Variants in RAP1GAP2 observed in about 807,000 individuals in gnomAD.
The protein encoded by RAP1GAP2 is RAP1 GTPase activating protein 2, also known as rap1 GTPase-activating protein 2.
In RAP1GAP2, 27 loss-of-function variants were observed where a neutral mutation model predicts 95.0. The observed-to-expected ratio is 0.28, with a 90% CI of 0.21 to 0.39. The LOEUF is 0.39. Ranked by LOEUF, RAP1GAP2 falls within the 10% of genes least tolerant of loss-of-function variation. The pLI is 1.00. For missense variants in RAP1GAP2, 771 were observed against 970.0 expected, an observed-to-expected ratio of 0.79 and a Z score of 2.72; for synonymous variants, 373 against 380.9, an observed-to-expected ratio of 0.98 and a Z score of 0.24.
intron 2 of RAP1GAP2, among the ~76,000 whole-genome samples, chr17:2,822,858 C>T (rs1030999961): frequency 2.0e-4 from 31 of 152,014 alleles, no homozygotes; most frequent in Non-Finnish European, 3.7e-4. Flanking sequence ...CCTCCCCACT[C>T]CCCCCAGTCC....
chr17:3,027,051 C>T lies in RAP1GAP2; in HGVS notation c.2088C>T (p.Ile696=). ...PSLGAAATPI[I]MSRSPTDAKS... is the part of the protein sequence containing the mutation. The stretch of plus-strand genomic sequence containing the variant: ...TGGGGGCAGCTGCCACCCCGATCAT[C>T]ATGAGCCGGAGTCCCACAGGTCAGT... Residue 696 remains isoleucine, a synonymous_variant, in exon 22 of 25, where the codon ATC becomes ATT. Coordinates refer to ENST00000254695, the MANE Select transcript of RAP1GAP2 (RefSeq NM_015085.5). This position sits in a 1 kb window ranked among gnomAD's most constrained non-coding sequence, Gnocchi z 5.2. The T allele has an allele frequency of 6.3e-7, 1 of 1,578,934 alleles. No homozygotes were observed. Among genetic ancestry groups the T allele is most frequent in the South Asian group, 1.2e-5 (1 of 85,666 alleles).
rs1046330248 is a variant in RAP1GAP2, at chr17:2,866,489, T to C, written c.81-38795T>C. On this transcript the variant is annotated intron_variant, in intron 2 of 24. Transcript: ENST00000254695. The surrounding 1 kb of genome is among the most constrained non-coding windows in gnomAD (Gnocchi z 4.0). ...AAACAATTCTGTAACATTTGTGTTATTGTGATTTTTATTAAATAGAGGTTT... is the reference window on the plus strand; with the variant it reads ...AAACAATTCTGTAACATTTGTGTTACTGTGATTTTTATTAAATAGAGGTTT... Among the ~76,000 whole-genome samples the C allele has an allele frequency of 3.3e-5, 5 of 152,252 alleles. No individual in the cohort carries two copies. Among genetic ancestry groups the C allele is most frequent in the African/African-American group, 9.6e-5 (4 of 41,470 alleles).
intron 1 of RAP1GAP2, among the ~76,000 whole-genome samples, chr17:2,783,720 G>A (rs1043211667): frequency 1.3e-5 from 2 of 152,254 alleles, no homozygotes; most frequent in African/African-American, 4.8e-5. Context: ...AGGGTTCAGT[G>A]GGGATAACGC....
intron 2 of RAP1GAP2, among the ~76,000 whole-genome samples, chr17:2,860,098 A>C (rs2151616139): frequency 6.6e-6 from 1 of 152,180 alleles, no homozygotes; most frequent in Admixed American, 6.6e-5. Context: ...GGACATGAGG[A>C]CTGTGCCTGG....
chr17:2,984,812 G>A (rs1236614241), intron 10 of RAP1GAP2, among the ~76,000 whole-genome samples, 171 bp from the exon 11 acceptor site: 2 of 152,102 alleles, frequency 1.3e-5, no homozygotes, highest in African/African-American at 4.8e-5. Flanking sequence ...CTTTGGAGCT[G>A]CGGCCTGACT....
rs185899887 is a variant in RAP1GAP2, at chr17:2,874,644, C to T, written c.81-30640C>T. 5.9e-5 allele frequency among the ~76,000 whole-genome samples: 9 copies of T among 152,280 alleles called. No individual in the cohort carries two copies. In the East Asian group the frequency reaches 1.7e-3, roughly 29 times the overall value. ...ACCAGTCAGAGGCCTCAGCCTGGGG[C>T]TGGATTCTGGAGGAAATGAGACGGT... On this transcript the variant is annotated intron_variant, in intron 2 of 24. Transcript: ENST00000254695.
At chr17:2,853,833 C>T in intron 2 of RAP1GAP2, 2 of 756,136 alleles carry the variant, frequency 2.6e-6, no homozygotes, top group East Asian at 1.3e-4. Context: ...GAGGGGAGAG[C>T]GCGCGGTCAC....
At chr17:2,900,575 G>A (rs2151720461) in intron 2 of RAP1GAP2, among the ~76,000 whole-genome samples, 3 of 152,120 alleles carry the variant, frequency 2.0e-5, no homozygotes, top group Admixed American at 2.0e-4. Flanking sequence ...TCAAGTAGCT[G>A]GGATTACAGG....
At chr17:2,970,292 AAAAAT>A in intron 8 of RAP1GAP2, among the ~76,000 whole-genome samples, 1 of 137,562 alleles carries the variant, frequency 7.3e-6, no homozygotes, top group South Asian at 2.2e-4. Context: ...AAAAAAAAAA[AAAAAT>A]AATAATAATA....
chr17:2,893,188 C>CT (rs1198063480), intron 2 of RAP1GAP2, among the ~76,000 whole-genome samples: 5 of 152,040 alleles, frequency 3.3e-5, no homozygotes, highest in Admixed American at 6.6e-5. Context: ...CCACCAGCTA[C>CT]TAGCCCGGCT....
At chr17:3,009,105 G>T (rs998326717) in intron 17 of RAP1GAP2, among the ~76,000 whole-genome samples, 1 of 152,116 alleles carries the variant, frequency 6.6e-6, no homozygotes, top group African/African-American at 2.4e-5. Flanking sequence ...TATTAAAACC[G>T]CAGCTCTGTG....
upstream of RAP1GAP2, among the ~76,000 whole-genome samples, chr17:2,776,103 C>G (rs1197284170): frequency 6.6e-6 from 1 of 152,152 alleles, no homozygotes; most frequent in Admixed American, 6.5e-5. Context: ...CGCTTGAACC[C>G]GGGAGGCGGA....
chr17:2,994,480 A>G (rs1452050397), intron 12 of RAP1GAP2, among the ~76,000 whole-genome samples: 1 of 152,164 alleles, frequency 6.6e-6, no homozygotes, highest in African/African-American at 2.4e-5. Context: ...ACTTCCCTGG[A>G]TACTCCCAAG....
intron 11 of RAP1GAP2, among the ~76,000 whole-genome samples, chr17:2,987,905 A>G (rs2045610020): frequency 1.3e-5 from 2 of 152,216 alleles, no homozygotes; most frequent in Admixed American, 1.3e-4. Flanking sequence ...TCTTTGTATC[A>G]TCTGCCGCTC....
chr17:2,949,129 C>T (rs1338230641), intron 3 of RAP1GAP2, among the ~76,000 whole-genome samples: 2 of 152,168 alleles, frequency 1.3e-5, no homozygotes, highest in African/African-American at 4.8e-5. Flanking sequence ...AGACGGAGTT[C>T]CTCAGCTGAG....
chr17:2,868,192 G>A (rs1385119625), intron 2 of RAP1GAP2, among the ~76,000 whole-genome samples: 7 of 152,096 alleles, frequency 4.6e-5, no homozygotes, highest in South Asian at 2.1e-4. Flanking sequence ...CCTTCCAGAC[G>A]TCTGGCCAGT....
intron 2 of RAP1GAP2, among the ~76,000 whole-genome samples, chr17:2,881,540 C>T (rs1374863771): frequency 6.6e-6 from 1 of 152,124 alleles, no homozygotes. Context: ...TTTGTTTATC[C>T]ACTCATTCGT....
intron 3 of RAP1GAP2, among the ~76,000 whole-genome samples, chr17:2,937,855 G>C: frequency 6.6e-6 from 1 of 152,152 alleles, no homozygotes; most frequent in East Asian, 1.9e-4. Context: ...CCCGGGGATG[G>C]ACCTGTGCCA....
In RAP1GAP2 at chr17:2,904,530, C is replaced by CTGTGTGTGTGTGTCTGTG. The variant is rs2042129184; in HGVS notation, c.81-741_81-740insCTGTGTGTGTGTGTGTGT. ...CCGAGGACAGCTTTTTGACCAGGGCCTGTGTGTGTGTGTGTGTGTGTGTGT... is the reference window on the plus strand; with the variant it reads ...CCGAGGACAGCTTTTTGACCAGGGCCTGTGTGTGTGTGTCTGTGTGTGTGTGTGTGTGTGTGTGTGTGT... On this transcript the variant is annotated intron_variant, in intron 2 of 24. Coordinates refer to ENST00000254695, the MANE Select transcript of RAP1GAP2 (RefSeq NM_015085.5). This position sits in a 1 kb window ranked among gnomAD's most constrained non-coding sequence, Gnocchi z 4.7. 2.3e-5 allele frequency among the ~76,000 whole-genome samples: 3 copies of CTGTGTGTGTGTGTCTGTG among 129,160 alleles called. No homozygotes were observed. The highest frequency in any genetic ancestry group is 5.0e-5 in the Non-Finnish European group (3 of 60,554). The allele number at this position is 129,160 out of a possible 152,430, so 84.7% of individuals were successfully genotyped here.
Sources: gnomAD v4.1 joint callset for allele counts (sites outside exome capture counted in the v4.1 genomes callset) on GRCh38, gnomAD v4.1.1 for gene constraint, Gnocchi (gnomAD v3.1) non-coding constraint, MANE v1.5 for transcripts, NCBI Gene and HGNC (gene_info 2026-07-23, HGNC 2026-07-21) for gene names.